MTR: variants seen among roughly 807,000 people sequenced by gnomAD.
The protein encoded by MTR is 5-methyltetrahydrofolate-homocysteine methyltransferase.
MTR carries 84 observed loss-of-function variants against 154.8 expected under a neutral mutation model. The observed-to-expected ratio is 0.54, with a 90% CI of 0.45 to 0.65. The LOEUF (loss-of-function observed/expected upper bound fraction) is 0.65, where lower values mean the gene tolerates loss of function less well. Ranked by LOEUF, MTR falls within the 30% of genes least tolerant of loss-of-function variation. The probability of loss-of-function intolerance (pLI) is 0.00; values close to 1 mark genes in which losing one functional copy is unlikely to be tolerated. For synonymous variants in MTR, 554 were observed against 553.9 expected, an observed-to-expected ratio of 1.00 and a Z score of 0.00; for missense variants, 1,275 against 1,570.2, an observed-to-expected ratio of 0.81 and a Z score of 3.18.
At chr1:236,839,030 ATATGGTATTATAACC>A (rs772258669) in intron 15 of MTR, among the ~76,000 whole-genome samples, 10 of 152,246 alleles carry the variant, frequency 6.6e-5, no homozygotes, top group Non-Finnish European at 1.0e-4. Context: ...TACAGTAAAA[ATATGGTATTATAACC>A]TTACGGAACC....
rs137989804 is a variant in MTR at position 236,895,322 on chromosome 1, G to A, written c.3406-36G>A. On this transcript the variant is annotated intron_variant, in intron 30 of 32. Transcript: ENST00000366577. ...CTGCACTGATGCTGTGAGCCCCTGCGTCTGCCTAAGCATGCCTGCTGCTTT... is the reference window on the plus strand; with the variant it reads ...CTGCACTGATGCTGTGAGCCCCTGCATCTGCCTAAGCATGCCTGCTGCTTT... 1,912 of 1,566,846 alleles carry A rather than the reference G, an allele frequency of 1.2e-3. 2 individuals are homozygous for A. The highest frequency in any genetic ancestry group is 1.5e-3 in the Non-Finnish European group (1,764 of 1,154,042).
At chr1:236,800,176 G>C in intron 1 of MTR, 1 of 985,442 alleles carries the variant, frequency 1.0e-6, no homozygotes, top group Non-Finnish European at 1.2e-6. Context: ...CACTCGCTCA[G>C]TGGAGGAGAT....
chr1:236,862,457 T>A, intron 21 of MTR, 114 bp downstream of exon 21: 1 of 802,714 alleles, frequency 1.2e-6, no homozygotes, highest in Non-Finnish European at 2.2e-6. Context: ...GAGGATAAAA[T>A]AGAGAAATGA....
intron 1 of MTR, among the ~76,000 whole-genome samples, chr1:236,796,741 ATATAT>A (rs1166135341): frequency 6.6e-6 from 1 of 150,622 alleles, no homozygotes. Context: ...ATGTTATTTA[ATATAT>A]TAAATAAGAT....
chr1:236,829,454 C>T (rs1188625240), intron 12 of MTR, among the ~76,000 whole-genome samples, 186 bp downstream of exon 12: 1 of 152,140 alleles, frequency 6.6e-6, no homozygotes, highest in Non-Finnish European at 1.5e-5. Context: ...GGCAAGATGA[C>T]GTCAACTTTA....
At chr1:236,868,390 T>C (rs990062135) in intron 22 of MTR, among the ~76,000 whole-genome samples, 13 of 152,230 alleles carry the variant, frequency 8.5e-5, no homozygotes, top group Non-Finnish European at 1.5e-4. Context: ...AACTTTTATA[T>C]GCATTGAGAA....
At chr1:236,817,249 C>CT (rs5781925) in intron 8 of MTR, among the ~76,000 whole-genome samples, 52,957 of 151,568 alleles carry the variant, frequency 0.35, 9,995 homozygotes, top group Non-Finnish European at 0.41. Context: ...TATTTCTGGG[C>CT]TTTTTTCTTC....
chr1:236,802,678 TAAAA>T (rs71559983), intron 1 of MTR, among the ~76,000 whole-genome samples: 1 of 147,084 alleles, frequency 6.8e-6, no homozygotes, highest in African/African-American at 2.5e-5. Context: ...GATTTGGTGC[TAAAA>T]AAAAAAGTAG....
chr1:236,879,309 G>C (rs1665601987), intron 24 of MTR, among the ~76,000 whole-genome samples: 1 of 152,196 alleles, frequency 6.6e-6, no homozygotes, highest in South Asian at 2.1e-4. Context: ...TTAGATACAG[G>C]ATTGGTTGGT....
intron 31 of MTR, among the ~76,000 whole-genome samples, chr1:236,896,665 C>T (rs948398840): frequency 2.0e-5 from 3 of 152,200 alleles, no homozygotes; most frequent in Admixed American, 2.0e-4. Flanking sequence ...TTGTTCTCAT[C>T]TCCAGGGGTA....
intron 32 of MTR, among the ~76,000 whole-genome samples, 194 bp downstream of exon 32, chr1:236,897,312 A>ATGCGCGCGCG (rs1553331097): frequency 1.5e-5 from 1 of 66,180 alleles, no homozygotes; most frequent in African/African-American, 5.1e-5. Flanking sequence ...ACACACACGC[A>ATGCGCGCGCG]CACACACACA....
intron 22 of MTR, among the ~76,000 whole-genome samples, chr1:236,865,653 A>G (rs1664781839): frequency 6.6e-6 from 1 of 152,118 alleles, no homozygotes; most frequent in African/African-American, 2.4e-5. Flanking sequence ...TTAAATGGGG[A>G]AGATATGATG....
chr1:236,886,751 T>TCC (rs1666031642), intron 27 of MTR, among the ~76,000 whole-genome samples: 1 of 152,200 alleles, frequency 6.6e-6, no homozygotes, highest in South Asian at 2.1e-4. Context: ...CTTGCGTGGG[T>TCC]CCCCGTCTCC....
At chr1:236,818,177 T>A (rs571102295) in intron 8 of MTR, among the ~76,000 whole-genome samples, 1 of 152,334 alleles carries the variant, frequency 6.6e-6, no homozygotes, top group African/African-American at 2.4e-5. Flanking sequence ...TCATGATGTA[T>A]TTGTCAAAAC....
At chr1:236,849,795 C>T (rs1285921728) in intron 15 of MTR, among the ~76,000 whole-genome samples, 2 of 151,996 alleles carry the variant, frequency 1.3e-5, no homozygotes, top group Non-Finnish European at 2.9e-5. Flanking sequence ...ACATGTTAGG[C>T]CAGTGTTAAA....
At chr1:236,797,257 T>C (rs1431625942) in intron 1 of MTR, among the ~76,000 whole-genome samples, 1 of 152,182 alleles carries the variant, frequency 6.6e-6, no homozygotes, top group Non-Finnish European at 1.5e-5. Flanking sequence ...TAATAACCCT[T>C]AGTAATTTAC....
intron 1 of MTR, among the ~76,000 whole-genome samples, chr1:236,798,501 C>T (rs886165009): frequency 1.7e-4 from 26 of 152,236 alleles, no homozygotes; most frequent in Admixed American, 5.9e-4. Context: ...AAAAAAACCC[C>T]ACAAAATATA....
chr1:236,820,027 A>G (rs1661832676), intron 8 of MTR: 1 of 896,554 alleles, frequency 1.1e-6, no homozygotes, highest in Non-Finnish European at 1.9e-6. Flanking sequence ...AGGGCTGACC[A>G]GCAGCCTCTC....
At chr1:236,808,200 G>C (rs918490713) in intron 3 of MTR, among the ~76,000 whole-genome samples, 6 of 152,134 alleles carry the variant, frequency 3.9e-5, no homozygotes, top group African/African-American at 7.2e-5. Flanking sequence ...AGGGTTCATA[G>C]TCCTTTATCA....
Sources: gnomAD v4.1 joint callset for allele counts (sites outside exome capture counted in the v4.1 genomes callset) on GRCh38, gnomAD v4.1.1 for gene constraint, MANE v1.5 for transcripts, NCBI Gene and HGNC (gene_info 2026-07-23, HGNC 2026-07-21) for gene names.